Variants in DISC1 observed in about 807,000 individuals in gnomAD.
DISC1 encodes disrupted in schizophrenia 1 protein.
In DISC1, 57 loss-of-function variants were observed where a neutral mutation model predicts 84.5. The ratio of observed to expected loss-of-function variants is 0.67; its 90% CI spans 0.55 to 0.84. DISC1 has a LOEUF of 0.84. Ranked by LOEUF, DISC1 falls within the 40% of genes least tolerant of loss-of-function variation. The probability of loss-of-function intolerance (pLI) is 0.00; values close to 1 mark genes in which losing one functional copy is unlikely to be tolerated. For missense variants in DISC1, 1,000 were observed against 1,057.8 expected (o/e 0.95, Z 0.76); for synonymous variants, 411 against 415.2 (o/e 0.99, Z 0.12).
At chr1:231,948,527 C>G (rs1402487960) in intron 9 of DISC1, among the ~76,000 whole-genome samples, 1 of 151,842 alleles carries the variant, frequency 6.6e-6, no homozygotes, top group Non-Finnish European at 1.5e-5. Context: ...TTGGGTGCAG[C>G]AAAACACCGT....
intron 10 of DISC1, among the ~76,000 whole-genome samples, chr1:232,003,645 T>C (rs1666984283): frequency 6.6e-6 from 1 of 152,128 alleles, no homozygotes. Context: ...TCATTCTTTT[T>C]GGACATATAT....
chr1:231,647,840 T>C (rs546560686), intron 1 of DISC1, among the ~76,000 whole-genome samples: 13 of 152,340 alleles, frequency 8.5e-5, no homozygotes, highest in African/African-American at 3.1e-4. Context: ...GGGAGTTTGC[T>C]CATGATTTGG....
chr1:231,702,162 C>T, intron 3 of DISC1, 138 bp downstream of exon 3: 1 of 1,433,236 alleles, frequency 7.0e-7, no homozygotes, highest in Non-Finnish European at 9.1e-7. Context: ...GAATAGTTGA[C>T]TCTTTTACAG....
rs1245786335 is a variant in DISC1 at position 231,954,234 on chromosome 1, A to T, written c.1982-4594A>T. Among the ~76,000 whole-genome samples the T allele has an allele frequency of 6.6e-6, 1 of 152,070 alleles. No individual in the cohort carries two copies. The highest frequency in any genetic ancestry group is 1.9e-4 in the East Asian group (1 of 5,192). On this transcript the variant is annotated intron_variant, in intron 9 of 12. Transcript: ENST00000439617. The surrounding 1 kb of genome is among the most constrained non-coding windows in gnomAD (Gnocchi z 4.8). ...TCAGTGTTAAAGAGGCTGGTCCCAC[A>T]GCTATCTCTGTGTCCCTGGAAGCCG...
chr1:231,898,681 C>A (rs1176402476), intron 9 of DISC1, among the ~76,000 whole-genome samples: 2 of 152,130 alleles, frequency 1.3e-5, no homozygotes, highest in Non-Finnish European at 2.9e-5. Context: ...CCTGTAATCC[C>A]AGCACTTTGG....
chr1:231,634,802 T>C (rs1253935223), intron 1 of DISC1, among the ~76,000 whole-genome samples: 1 of 152,062 alleles, frequency 6.6e-6, no homozygotes, highest in Non-Finnish European at 1.5e-5. Context: ...TCCCAGCTCC[T>C]TGGAAGGCTG....
At chr1:231,720,497 C>A (rs1297101153) in intron 3 of DISC1, among the ~76,000 whole-genome samples, 1 of 152,088 alleles carries the variant, frequency 6.6e-6, no homozygotes, top group Non-Finnish European at 1.5e-5. Flanking sequence ...TGCCACCACA[C>A]TTGGCTAATT....
rs953986878 is a variant in DISC1 at position 232,031,350 on chromosome 1, AAAAGG to A, written c.2425+4804_2425+4808del. The stretch of plus-strand genomic sequence containing the variant: ...GGAAAGGAAAAGGAAAAGAGGAAAG[AAAAGG>A]AAAGGGAAGGGAGAGGGAAAGGAGA... On this transcript the variant is annotated intron_variant, in intron 12 of 12. Transcript: ENST00000439617. The surrounding 1 kb of genome is among the most constrained non-coding windows in gnomAD (Gnocchi z 4.6). Among the ~76,000 whole-genome samples, 4 of 144,926 alleles carry A rather than the reference AAAAGG, an allele frequency of 2.8e-5. No homozygotes were observed. Among genetic ancestry groups the A allele is most frequent in the Admixed American group, 2.7e-4 (4 of 14,578 alleles).
chr1:231,674,399 A>G (rs1255289097), intron 1 of DISC1, among the ~76,000 whole-genome samples: 1 of 152,236 alleles, frequency 6.6e-6, no homozygotes, highest in Non-Finnish European at 1.5e-5. Context: ...TATTTGATCC[A>G]TAGCCATTGG....
intron 11 of DISC1, 73 bp from the exon 12 acceptor site, chr1:232,026,362 C>G (rs921912770): frequency 9.5e-7 from 1 of 1,047,508 alleles, no homozygotes; most frequent in African/African-American, 1.6e-5. Context: ...GAGCTCTTTC[C>G]AGGAAGCTTC....
chr1:231,980,639 A>G (rs1054684911), intron 10 of DISC1, among the ~76,000 whole-genome samples: 1 of 152,234 alleles, frequency 6.6e-6, no homozygotes, highest in African/African-American at 2.4e-5. Context: ...AAGTGCACAT[A>G]CTATAACTTG....
intron 12 of DISC1, among the ~76,000 whole-genome samples, chr1:232,029,016 A>G (rs1669748620): frequency 6.6e-6 from 1 of 152,212 alleles, no homozygotes; most frequent in Non-Finnish European, 1.5e-5. Context: ...CCATGGTCCT[A>G]TTAGGCCCAT....
chr1:231,718,865 G>A (rs968407210), intron 3 of DISC1, among the ~76,000 whole-genome samples: 2 of 152,196 alleles, frequency 1.3e-5, no homozygotes, highest in Admixed American at 1.3e-4. Flanking sequence ...GGTTGGTCAT[G>A]GTGTGGCTCA....
At chr1:231,668,121 C>T (rs2062197441) in intron 1 of DISC1, among the ~76,000 whole-genome samples, 1 of 151,908 alleles carries the variant, frequency 6.6e-6, no homozygotes, top group Non-Finnish European at 1.5e-5. Flanking sequence ...AAGTACAACA[C>T]ACTTGTGAAA....
At chr1:231,984,121 C>T (rs972817315) in intron 10 of DISC1, among the ~76,000 whole-genome samples, 1 of 152,184 alleles carries the variant, frequency 6.6e-6, no homozygotes, top group Non-Finnish European at 1.5e-5. Flanking sequence ...TTTGAACAGA[C>T]AGATAAATGT....
At chr1:231,690,032 C>T (rs570814948) in intron 1 of DISC1, among the ~76,000 whole-genome samples, 74 of 152,190 alleles carry the variant, frequency 4.9e-4, no homozygotes, top group African/African-American at 1.7e-3. Context: ...CTTGCTGATC[C>T]GGCTGGTTAA....
intron 6 of DISC1, among the ~76,000 whole-genome samples, chr1:231,789,643 T>C (rs1306312696): frequency 6.6e-6 from 1 of 152,166 alleles, no homozygotes; most frequent in Non-Finnish European, 1.5e-5. Flanking sequence ...CACTCCCAAG[T>C]CATTGAACCA....
chr1:231,647,562 G>A (rs965054759), intron 1 of DISC1, among the ~76,000 whole-genome samples: 2 of 152,166 alleles, frequency 1.3e-5, no homozygotes, highest in African/African-American at 4.8e-5. Flanking sequence ...GGTTCCATAT[G>A]AACTTTAAAG....
chr1:231,750,524 A>T, intron 4 of DISC1: 9 of 992,532 alleles, frequency 9.1e-6, no homozygotes, highest in Non-Finnish European at 1.1e-5. Context: ...TATTTGTGTC[A>T]CCCAAGGCTC....
Sources: allele counts gnomAD v4.1 joint callset (sites outside exome capture counted in the v4.1 genomes callset), GRCh38; gene constraint gnomAD v4.1.1; non-coding constraint Gnocchi (gnomAD v3.1); transcripts MANE v1.5; gene names NCBI Gene and HGNC (gene_info 2026-07-23, HGNC 2026-07-21).